The following ZBTB37 variants were observed in gnomAD, a reference collection of about 807,000 sequenced individuals.
ZBTB37 encodes zinc finger and BTB domain containing 37.
Under a neutral mutation model 37.7 loss-of-function variants are expected in ZBTB37, and 15 were observed. The observed-to-expected ratio is 0.40, with a 90% CI of 0.27 to 0.61. ZBTB37 has a LOEUF of 0.61. Among genes scored for constraint, ZBTB37 ranks in the 20% least tolerant of loss-of-function variants. ZBTB37 has a pLI of 0.44. For missense variants in ZBTB37, 514 were observed against 641.9 expected (o/e 0.80, Z 2.15); for synonymous variants, 231 against 220.6 (o/e 1.05, Z -0.42).
chr1:173,882,805 A>T (rs1490403321), intron 4 of ZBTB37, among the ~76,000 whole-genome samples: 1 of 152,194 alleles, frequency 6.6e-6, no homozygotes, highest in Non-Finnish European at 1.5e-5. Context: ...AAGGCTAGCC[A>T]GTTTTCCCAG....
Position 173,874,236 on chromosome 1 carries a change from CAA to C in ZBTB37, c.1023+671_1023+672del, listed in dbSNP as rs377628005. On this transcript the variant is annotated intron_variant, in intron 4 of 4. Coordinates refer to ENST00000427304, the Ensembl canonical transcript of ZBTB37. The stretch of plus-strand genomic sequence containing the variant: ...CACCATTGCACTCCAGCCTGGGCCA[CAA>C]GAGTGAAACTCCGTCTCAAAAAAAA... Among the ~76,000 whole-genome samples, 36 of 102,094 alleles carry C rather than the reference CAA, an allele frequency of 3.5e-4. 1 individual carries two copies. The East Asian group carries it at 0.011, about 30-fold the overall frequency. The allele number at this position is 102,094 out of a possible 152,430, so 67.0% of individuals were successfully genotyped here.
exon 4 of ZBTB37, chr1:173,893,197 C>G (rs1210631139): frequency 1.3e-5 from 2 of 152,194 alleles, no homozygotes; most frequent in Admixed American, 1.3e-4. Flanking sequence ...ACCACTGCAC[C>G]CAGCCCCATT....
chr1:173,900,843 A>C (rs375707674), exon 4 of ZBTB37: 1 of 152,226 alleles, frequency 6.6e-6, no homozygotes, highest in South Asian at 2.1e-4. Flanking sequence ...TAGAAAAGCA[A>C]TAGCCTTTGA....
chr1:173,886,224 A>G, exon 5 of ZBTB37: 2 of 1,453,726 alleles, frequency 1.4e-6, no homozygotes, highest in Non-Finnish European at 1.8e-6. Flanking sequence ...ATGCCACATC[A>G]CTAGGCCAGA....
exon 4 of ZBTB37, chr1:173,898,816 A>C (rs1245865332): frequency 6.6e-6 from 1 of 152,212 alleles, no homozygotes; most frequent in Non-Finnish European, 1.5e-5. Flanking sequence ...TATTTCTTAC[A>C]GCTAAGGAGG....
chr1:173,868,559 C>G (rs1655189546), intron 1 of ZBTB37, among the ~76,000 whole-genome samples, 154 bp downstream of exon 1: 1 of 152,230 alleles, frequency 6.6e-6, no homozygotes, highest in South Asian at 2.1e-4. Flanking sequence ...ACCTTCCACC[C>G]CCTTGGCCCC....
At chr1:173,888,247 T>C (rs1020283939), downstream of ZBTB37, 13 of 152,104 alleles carry the variant, frequency 8.5e-5, no homozygotes, top group African/African-American at 3.1e-4. Flanking sequence ...CAAAAATCCT[T>C]AGGGAAACAA....
chr1:173,902,877 C>T (rs890325704), exon 4 of ZBTB37: 1 of 152,072 alleles, frequency 6.6e-6, no homozygotes, highest in Non-Finnish European at 1.5e-5. Context: ...TTTAAGTGGC[C>T]CCCACTCCAT....
At chr1:173,873,427 T>C in intron 3 of ZBTB37, 40 bp from the exon 4 acceptor site, 1 of 1,534,062 alleles carries the variant, frequency 6.5e-7, no homozygotes, top group Non-Finnish European at 8.8e-7. Context: ...TCTTTGATGC[T>C]GCTTTTGTAT....
chr1:173,882,367 G>A (rs1439762475), intron 4 of ZBTB37, among the ~76,000 whole-genome samples: 3 of 148,336 alleles, frequency 2.0e-5, no homozygotes, highest in Admixed American at 6.8e-5. Context: ...TCAGCCTCCC[G>A]AGTAGCTGGG....
chr1:173,884,418 A>G (rs1656508555), intron 4 of ZBTB37, among the ~76,000 whole-genome samples: 2 of 151,744 alleles, frequency 1.3e-5, no homozygotes, highest in South Asian at 4.1e-4. Context: ...TCAGCCTCCC[A>G]AAGTGCTGGG....
chr1:173,872,781 G>A (rs1655662538), intron 3 of ZBTB37, among the ~76,000 whole-genome samples: 1 of 152,066 alleles, frequency 6.6e-6, no homozygotes, highest in Admixed American at 6.5e-5. Context: ...GCTGAGGCAG[G>A]TGGATCACTT....
At chr1:173,882,346 A>C (rs960352494) in intron 4 of ZBTB37, among the ~76,000 whole-genome samples, 1 of 142,118 alleles carries the variant, frequency 7.0e-6, no homozygotes, top group Non-Finnish European at 1.5e-5. Flanking sequence ...GGTTCACGCC[A>C]TTCTCTTGCC....
exon 3 of ZBTB37, chr1:173,870,932 A>C: frequency 6.2e-7 from 1 of 1,614,068 alleles, no homozygotes; most frequent in East Asian, 2.2e-5. Context: ...AGTGATGATG[A>C]AGTTAGAGTT....
intron 4 of ZBTB37, among the ~76,000 whole-genome samples, chr1:173,880,300 A>G (rs2102739435): frequency 6.6e-6 from 1 of 152,340 alleles, no homozygotes; most frequent in Non-Finnish European, 1.5e-5. Flanking sequence ...AGTTACTTGT[A>G]AAATCCTTAA....
exon 4 of ZBTB37, chr1:173,902,713 A>C (rs1657314674): frequency 6.6e-6 from 1 of 151,962 alleles, no homozygotes; most frequent in South Asian, 2.1e-4. Context: ...CCCTTTACCG[A>C]AAAAAAATGC....
At chr1:173,891,331 CT>C (rs1656831890), downstream of ZBTB37, 2 of 152,162 alleles carry the variant, frequency 1.3e-5, no homozygotes, top group Admixed American at 1.3e-4. Flanking sequence ...GAACCCCTAC[CT>C]TTTCCCTTTG....
chr1:173,876,533 G>A (rs992778766), intron 4 of ZBTB37, among the ~76,000 whole-genome samples: 6 of 152,012 alleles, frequency 3.9e-5, no homozygotes, highest in African/African-American at 1.4e-4. Context: ...GGTCAGGCTG[G>A]TCTCAAACTC....
intron 4 of ZBTB37, among the ~76,000 whole-genome samples, chr1:173,883,650 A>G (rs1479604429): frequency 1.3e-5 from 2 of 152,138 alleles, no homozygotes; most frequent in Non-Finnish European, 2.9e-5. Flanking sequence ...CTTTATGTGA[A>G]CTCAGTTTTT....
Sources: gnomAD v4.1 joint callset for allele counts (sites outside exome capture counted in the v4.1 genomes callset) on GRCh38, gnomAD v4.1.1 for gene constraint, MANE v1.5 for transcripts, NCBI Gene and HGNC (gene_info 2026-07-23, HGNC 2026-07-21) for gene names.